Variants in KBTBD11 observed in about 807,000 individuals in gnomAD.
KBTBD11 encodes kelch repeat and BTB domain-containing protein 11.
For missense variants in KBTBD11, 1,390 were observed against 1,001.8 expected (o/e 1.39, Z -5.23); for synonymous variants, 747 against 499.0 (o/e 1.50, Z -6.63).
intron 1 of KBTBD11, among the ~76,000 whole-genome samples, chr8:1,995,484 C>A (rs1336790590): frequency 2.0e-5 from 3 of 152,064 alleles, no homozygotes; most frequent in Non-Finnish European, 4.4e-5. Flanking sequence ...TTTTCATGGT[C>A]CCTTTACACT....
rs1485976715 is a variant in KBTBD11, at chr8:1,973,912, C to T, written c.-932C>T. 1.0e-5 allele frequency: 10 copies of T among 982,438 alleles called. No individual in the cohort carries two copies. The African/African-American group carries it at 1.2e-4, about 12-fold the overall frequency. The allele number at this position is 982,438 out of a possible 1,614,324, so 60.9% of individuals were successfully genotyped here. On this transcript the variant is annotated 5_prime_UTR_variant, in exon 1 of 2. Coordinates refer to ENST00000320248, the MANE Select transcript of KBTBD11 (RefSeq NM_014867.3). Reference sequence around the variant, plus strand: ...GCCTGGCTGCGCGTCCCGGGCCCGGCGGCTGAAGAGGAGCCGCGGCGAGGT... The same window carrying T: ...GCCTGGCTGCGCGTCCCGGGCCCGGTGGCTGAAGAGGAGCCGCGGCGAGGT...
At chr8:1,979,069 TGTGTGTGC>T (rs1332717508) in intron 1 of KBTBD11, among the ~76,000 whole-genome samples, 18 of 152,076 alleles carry the variant, frequency 1.2e-4, no homozygotes, top group African/African-American at 4.1e-4. Context: ...TGTGTGTGCA[TGTGTGTGC>T]ATGTGTCTGC....
intron 1 of KBTBD11, among the ~76,000 whole-genome samples, chr8:1,999,325 TG>T (rs1409344155): frequency 6.6e-6 from 1 of 152,204 alleles, no homozygotes; most frequent in African/African-American, 2.4e-5. Flanking sequence ...TAGAAGATGC[TG>T]GGGGTTAAGT....
Position 1,993,282 on chromosome 8 carries a change from GT to G in KBTBD11, c.-908-6999del, listed in dbSNP as rs566067998. Among the ~76,000 whole-genome samples, 227 of 152,074 alleles carry G rather than the reference GT, an allele frequency of 1.5e-3. 4 individuals are homozygous for G. The highest frequency in any genetic ancestry group is 5.2e-3 in the African/African-American group (217 of 41,388). Reference sequence around the variant, plus strand: ...CATCTGAGTATTTTCAGTTACCATTGTTTTAGTTTCCCTAGCTAACATGCAT... The same window carrying G: ...CATCTGAGTATTTTCAGTTACCATTGTTTAGTTTCCCTAGCTAACATGCAT... On this transcript the variant is annotated intron_variant, in intron 1 of 1. Coordinates refer to ENST00000320248, the MANE Select transcript of KBTBD11 (RefSeq NM_014867.3).
chr8:1,994,091 G>A (rs186049069), intron 1 of KBTBD11, among the ~76,000 whole-genome samples: 10 of 152,188 alleles, frequency 6.6e-5, no homozygotes, highest in Admixed American at 5.2e-4. Context: ...ACCGGCCTAC[G>A]GAGCTTAGAC....
rs979929894 is a variant in KBTBD11 at position 2,000,689 on chromosome 8, G to C, written c.-504G>C. 6 of 155,666 alleles carry C rather than the reference G, an allele frequency of 3.9e-5. No individual in the cohort carries two copies. Among genetic ancestry groups the C allele is most frequent in the African/African-American group, 7.2e-5 (3 of 41,598 alleles). The allele number at this position is 155,666 out of a possible 1,614,324, so 9.6% of individuals were successfully genotyped here. A position where few individuals can be genotyped will look rare whatever the true frequency, so the allele number is the denominator to read the frequency against. ...GCATGTGAAGTGAGTGGGTGAGCAC[G>C]GACTCCTGAGAGCGAGGGCGCACCC... On this transcript the variant is annotated 5_prime_UTR_variant, in exon 2 of 2. Transcript: ENST00000320248.
chr8:1,991,730 C>A (rs899202743), intron 1 of KBTBD11, among the ~76,000 whole-genome samples: 3 of 151,980 alleles, frequency 2.0e-5, no homozygotes, highest in Non-Finnish European at 2.9e-5. Flanking sequence ...TGAGGGAACC[C>A]AGTGATGGAG....
In KBTBD11 at chr8:1,997,971, C is replaced by T. The variant is rs186648180; in HGVS notation, c.-908-2314C>T. Among the ~76,000 whole-genome samples, 160 of 152,294 alleles carry T rather than the reference C, an allele frequency of 1.1e-3. 1 individual carries two copies. The highest frequency in any genetic ancestry group is 3.4e-3 in the Middle Eastern group (1 of 294). ...TGTGTTGGAAAAGTAACATAAAGAC[C>T]GCTTGAATCATGACTTTTGAGATGA... On this transcript the variant is annotated intron_variant, in intron 1 of 1. Coordinates refer to ENST00000320248, the MANE Select transcript of KBTBD11 (RefSeq NM_014867.3).
chr8:1,992,256 C>A (rs1209263449), intron 1 of KBTBD11, among the ~76,000 whole-genome samples: 1 of 152,062 alleles, frequency 6.6e-6, no homozygotes, highest in Non-Finnish European at 1.5e-5. Context: ...GCGCTGCCTG[C>A]CTCCCAGGGT....
In KBTBD11 at chr8:1,984,401, G is replaced by T. The variant is rs193265783; in HGVS notation, c.-909+10466G>T. Among the ~76,000 whole-genome samples the T allele has an allele frequency of 2.1e-4, 30 of 143,888 alleles. No individual in the cohort carries two copies. In the East Asian group the frequency reaches 4.4e-3, roughly 21 times the overall value. The allele number at this position is 143,888 out of a possible 152,430, so 94.4% of individuals were successfully genotyped here. On this transcript the variant is annotated intron_variant, in intron 1 of 1. Transcript: ENST00000320248. Reference sequence around the variant, plus strand: ...CCTCCCGGGTTCACGCCGTTCTCCTGCCTCAGCCTCCCAAGTAGCTGGGAC... The same window carrying T: ...CCTCCCGGGTTCACGCCGTTCTCCTTCCTCAGCCTCCCAAGTAGCTGGGAC...
At chr8:1,983,183 C>G (rs557723831) in intron 1 of KBTBD11, among the ~76,000 whole-genome samples, 1 of 152,334 alleles carries the variant, frequency 6.6e-6, no homozygotes, top group East Asian at 1.9e-4. Context: ...AGAGCCACAC[C>G]TAGAACTTGG....
chr8:1,978,519 G>T (rs1201234688), intron 1 of KBTBD11, among the ~76,000 whole-genome samples: 1 of 152,222 alleles, frequency 6.6e-6, no homozygotes, highest in Non-Finnish European at 1.5e-5. Context: ...CAGCCTTGAT[G>T]CAGTGGACTC....
Position 2,002,195 on chromosome 8 carries a change from G to C in KBTBD11, c.1003G>C (p.Gly335Arg). The change falls in exon 2 of 2, where the codon GGA (glycine) becomes CGA (arginine). Residue 335 changes from glycine (G) to arginine (R), a missense_variant. Coordinates refer to ENST00000320248, the MANE Select transcript of KBTBD11 (RefSeq NM_014867.3). This position sits in a 1 kb window ranked among gnomAD's most constrained non-coding sequence, Gnocchi z 4.1. Reference sequence around the variant, plus strand: ...CGTCTACTGCTTCCACGCGGCGGCCGGAGAGTGGCGCGAGCTGACGCGGCT... The same window carrying C: ...CGTCTACTGCTTCCACGCGGCGGCCCGAGAGTGGCGCGAGCTGACGCGGCT... ...AAVYCFHAAA[G>R]EWRELTRLPE... 1 of 1,255,292 alleles carries C rather than the reference G, an allele frequency of 8.0e-7. No individual in the cohort carries two copies. Among genetic ancestry groups the C allele is most frequent in the Non-Finnish European group, 1.0e-6 (1 of 1,002,988 alleles). 77.8% of individuals were successfully genotyped at this position (1,255,292 alleles called of 1,614,324 possible). A position where few individuals can be genotyped will look rare whatever the true frequency, so the allele number is the denominator to read the frequency against.
At chr8:1,983,535 G>A (rs542990769) in intron 1 of KBTBD11, among the ~76,000 whole-genome samples, 1 of 152,286 alleles carries the variant, frequency 6.6e-6, no homozygotes, top group Non-Finnish European at 1.5e-5. Context: ...ACCTCATGAT[G>A]CATCTTTTCT....
chr8:1,973,785 C>A lies in KBTBD11; in HGVS notation c.-1059C>A, dbSNP rs1006286557. The A allele has an allele frequency of 6.5e-5, 64 of 983,634 alleles. No homozygotes were observed. The highest frequency in any genetic ancestry group is 7.5e-5 in the Non-Finnish European group (62 of 829,330). The allele number at this position is 983,634 out of a possible 1,614,324, so 60.9% of individuals were successfully genotyped here. A position where few individuals can be genotyped will look rare whatever the true frequency, so the allele number is the denominator to read the frequency against. On this transcript the variant is annotated 5_prime_UTR_variant, in exon 1 of 2. Coordinates refer to ENST00000320248, the MANE Select transcript of KBTBD11 (RefSeq NM_014867.3). ...CCCCTCTGCCGCCCACGCCCCGCTG[C>A]GGGTCGGAGGAGCAGCTCCCGCTCG...
At chr8:1,980,017 A>G (rs1816486513) in intron 1 of KBTBD11, among the ~76,000 whole-genome samples, 1 of 152,136 alleles carries the variant, frequency 6.6e-6, no homozygotes, top group East Asian at 1.9e-4. Context: ...TTTTCCCTGT[A>G]GCCTGAGCTG....
intron 1 of KBTBD11, among the ~76,000 whole-genome samples, chr8:1,998,905 C>T (rs1817242374): frequency 6.6e-6 from 1 of 152,192 alleles, no homozygotes; most frequent in Non-Finnish European, 1.5e-5. Flanking sequence ...CTTTCCCCGG[C>T]CCTGGACTGG....
At chr8:1,983,076 C>T (rs1470057096) in intron 1 of KBTBD11, among the ~76,000 whole-genome samples, 2 of 152,100 alleles carry the variant, frequency 1.3e-5, no homozygotes, top group Non-Finnish European at 1.5e-5. Context: ...TACCCAGTCC[C>T]CTCCTGCCAC....
rs62478227 is a variant in KBTBD11, at chr8:2,004,414, T to C, written c.*1350T>C. 13,261 of 167,018 alleles carry C rather than the reference T, an allele frequency of 0.079. 695 individuals are homozygous for C. The highest frequency in any genetic ancestry group is 0.17 in the Admixed American group (2,545 of 15,300). The allele number at this position is 167,018 out of a possible 1,614,324, so 10.3% of individuals were successfully genotyped here. A position where few individuals can be genotyped will look rare whatever the true frequency, so the allele number is the denominator to read the frequency against. On this transcript the variant is annotated 3_prime_UTR_variant, in exon 2 of 2. Transcript: ENST00000320248. ...TTTGAACTCCGAATCCAACCCATTT[T>C]CTTACTGTAAGAGGAAAAGTTACTG...
Sources: gnomAD v4.1 joint callset for allele counts (sites outside exome capture counted in the v4.1 genomes callset) on GRCh38, gnomAD v4.1.1 for gene constraint, Gnocchi (gnomAD v3.1) non-coding constraint, MANE v1.5 for transcripts, NCBI Gene and HGNC (gene_info 2026-07-23, HGNC 2026-07-21) for gene names.